KIAA1671: variants seen among roughly 807,000 people sequenced by gnomAD.
The protein encoded by KIAA1671 is uncharacterized protein KIAA1671.
Under a neutral mutation model 131.2 loss-of-function variants are expected in KIAA1671, and 52 were observed. That is an observed-to-expected ratio of 0.40 (90% CI 0.32 to 0.50). KIAA1671 has a LOEUF of 0.50. Ranked by LOEUF, KIAA1671 falls within the 20% of genes least tolerant of loss-of-function variation. The probability of loss-of-function intolerance (pLI) is 0.73; values close to 1 mark genes in which losing one functional copy is unlikely to be tolerated. For missense variants in KIAA1671, 2,360 were observed against 2,364.2 expected (o/e 1.00, Z 0.04); for synonymous variants, 1,003 against 961.6 (o/e 1.04, Z -0.80).
chr22:25,054,757 G>T (rs1470354815), intron 6 of KIAA1671: 2 of 144,614 alleles, frequency 1.4e-5, no homozygotes, highest in African/African-American at 5.5e-5. Flanking sequence ...AGGAGGGAGG[G>T]GGTGTCTCCA....
chr22:25,036,936 A>G (rs945330195), intron 4 of KIAA1671, among the ~76,000 whole-genome samples: 3 of 152,080 alleles, frequency 2.0e-5, no homozygotes, highest in African/African-American at 7.2e-5. Flanking sequence ...AAAAATAAAA[A>G]TAAAAAATAA....
At chr22:24,956,024 C>CAAAAAAAAAA (rs1167493018) in intron 1 of KIAA1671, among the ~76,000 whole-genome samples, 1 of 51,910 alleles carries the variant, frequency 1.9e-5, no homozygotes, top group Non-Finnish European at 4.0e-5. Flanking sequence ...GACTCCGTCT[C>CAAAAAAAAAA]AAAAAAAAAA....
chr22:25,168,115 TGGC>T (rs1224272404), intron 6 of KIAA1671, among the ~76,000 whole-genome samples: 1 of 152,174 alleles, frequency 6.6e-6, no homozygotes, highest in Admixed American at 6.5e-5. Context: ...GAGAAGAGGC[TGGC>T]TCCCCTGCCT....
chr22:25,145,104 G>A (rs1932857494), intron 6 of KIAA1671, among the ~76,000 whole-genome samples: 1 of 152,206 alleles, frequency 6.6e-6, no homozygotes, highest in Non-Finnish European at 1.5e-5. Flanking sequence ...GAGGTCCCCA[G>A]AGCTACCTGA....
intron 6 of KIAA1671, chr22:25,056,799 G>A (rs1343587656): frequency 1.5e-5 from 2 of 129,544 alleles, no homozygotes; most frequent in African/African-American, 5.9e-5. Context: ...GTGACAGAGT[G>A]AGACTCTGTC....
chr22:24,964,873 A>G (rs1014541715), intron 1 of KIAA1671, among the ~76,000 whole-genome samples: 2 of 151,958 alleles, frequency 1.3e-5, no homozygotes, highest in Admixed American at 6.6e-5. Context: ...GCTCTGAATC[A>G]CTCCTGTTGG....
chr22:25,127,452 T>C (rs1932238827), intron 6 of KIAA1671, among the ~76,000 whole-genome samples: 1 of 152,004 alleles, frequency 6.6e-6, no homozygotes, highest in Admixed American at 6.6e-5. Flanking sequence ...TAGAAGGGAG[T>C]GAGGTGGACA....
chr22:25,111,207 C>T (rs889140350), intron 6 of KIAA1671, among the ~76,000 whole-genome samples: 1 of 152,228 alleles, frequency 6.6e-6, no homozygotes, highest in African/African-American at 2.4e-5. Context: ...CCCGGGGCTG[C>T]CAGATCGCCG....
At chr22:24,968,208 C>T (rs79341095) in intron 1 of KIAA1671, among the ~76,000 whole-genome samples, 2,190 of 152,152 alleles carry the variant, frequency 0.014, 48 homozygotes, top group African/African-American at 0.049. Flanking sequence ...AGGGGGGCGG[C>T]GGGGCAGGGG....
At chr22:25,112,197 A>G (rs1224427660) in intron 6 of KIAA1671, 1 of 398,862 alleles carries the variant, frequency 2.5e-6, no homozygotes, top group African/African-American at 2.1e-5. Context: ...CTGGGAGATA[A>G]ACTCACAGTG....
intron 6 of KIAA1671, among the ~76,000 whole-genome samples, chr22:25,130,263 G>A (rs2145943401): frequency 6.6e-6 from 1 of 152,298 alleles, no homozygotes; most frequent in South Asian, 2.1e-4. Context: ...ACATACCCGT[G>A]TAAGTCACAC....
intron 9 of KIAA1671, among the ~76,000 whole-genome samples, 171 bp from the exon 10 acceptor site, chr22:25,181,528 G>C (rs1322089968): frequency 6.6e-6 from 1 of 152,222 alleles, no homozygotes; most frequent in East Asian, 1.9e-4. Flanking sequence ...TGAGAAGAGA[G>C]AGCATGAAAG....
Position 25,185,205 on chromosome 22 carries a change from G to A in KIAA1671, c.5342+86G>A. 4 of 1,333,708 alleles carry A rather than the reference G, an allele frequency of 3.0e-6. No individual in the cohort carries two copies. The South Asian group carries it at 4.7e-5, about 16-fold the overall frequency. The allele number at this position is 1,333,708 out of a possible 1,614,324, so 82.6% of individuals were successfully genotyped here. ...AGGTGCTCGCATAGGTTTTAGAGCT[G>A]AATAGAAGAGAGTTACAACTTTTTA... On this transcript the variant is annotated intron_variant, in intron 11 of 12. Transcript: ENST00000358431.
chr22:25,033,784 G>A lies in KIAA1671; in HGVS notation c.1629+1088G>A, dbSNP rs1602084700. Among the ~76,000 whole-genome samples the A allele has an allele frequency of 2.0e-5, 3 of 151,892 alleles. No homozygotes were observed. The Middle Eastern group carries it at 0.01, about 517-fold the overall frequency. On this transcript the variant is annotated intron_variant, in intron 4 of 12. Transcript: ENST00000358431. ...TTTAGTAGAGTTGGGGTTTCACCAT[G>A]TTAGCCAGGATGGTCTCGATCTCCT...
intron 11 of KIAA1671, among the ~76,000 whole-genome samples, chr22:25,189,140 T>TG (rs1183058312): frequency 1.3e-5 from 2 of 149,628 alleles, no homozygotes; most frequent in Non-Finnish European, 3.0e-5. Context: ...TTTTTTTTTT[T>TG]TTTTTGTTTT....
intron 6 of KIAA1671, among the ~76,000 whole-genome samples, chr22:25,168,951 T>G (rs560012678): frequency 6.6e-6 from 1 of 152,042 alleles, no homozygotes; most frequent in African/African-American, 2.4e-5. Context: ...GTGAGGACAA[T>G]AGGGAACCCC....
chr22:24,957,986 T>TA (rs1428196284), intron 1 of KIAA1671, among the ~76,000 whole-genome samples: 1 of 139,994 alleles, frequency 7.1e-6, no homozygotes, highest in African/African-American at 2.7e-5. Context: ...TTTTTTTTTT[T>TA]AATATTTTAC....
At chr22:25,070,963 T>C (rs1928787314) in intron 6 of KIAA1671, among the ~76,000 whole-genome samples, 1 of 152,236 alleles carries the variant, frequency 6.6e-6, no homozygotes, top group Non-Finnish European at 1.5e-5. Context: ...TCTGATGAAA[T>C]GCCAAAGTCA....
chr22:25,006,576 C>T (rs1424783922), intron 1 of KIAA1671, among the ~76,000 whole-genome samples: 2 of 152,144 alleles, frequency 1.3e-5, no homozygotes, highest in Non-Finnish European at 2.9e-5. Context: ...CCCCTTCTCT[C>T]CCCAGGCAAG....
Sources: allele counts gnomAD v4.1 joint callset (sites outside exome capture counted in the v4.1 genomes callset), GRCh38; gene constraint gnomAD v4.1.1; transcripts MANE v1.5; gene names NCBI Gene and HGNC (gene_info 2026-07-23, HGNC 2026-07-21).